Variants in MAPK4 observed in about 807,000 individuals in gnomAD.
MAPK4 encodes Erk3-related.
A neutral mutation model predicts 47.7 loss-of-function variants in MAPK4; 22 were observed. The observed-to-expected ratio is 0.46, with a 90% CI of 0.33 to 0.66. The LOEUF (loss-of-function observed/expected upper bound fraction) is 0.66, where lower values mean the gene tolerates loss of function less well. Among genes scored for constraint, MAPK4 ranks in the 30% least tolerant of loss-of-function variants. MAPK4 has a pLI of 0.02. For missense variants in MAPK4, 736 were observed against 831.7 expected, an observed-to-expected ratio of 0.88 and a Z score of 1.42; for synonymous variants, 390 against 365.7, an observed-to-expected ratio of 1.07 and a Z score of -0.76.
intron 4 of MAPK4, among the ~76,000 whole-genome samples, chr18:50,725,647 A>C (rs1197666640): frequency 6.6e-6 from 1 of 152,070 alleles, no homozygotes; most frequent in Non-Finnish European, 1.5e-5. Context: ...GGGATCCCCC[A>C]CCACATAAAC....
At chr18:50,686,323 C>G (rs1367021957) in intron 2 of MAPK4, among the ~76,000 whole-genome samples, 1 of 152,190 alleles carries the variant, frequency 6.6e-6, no homozygotes, top group African/African-American at 2.4e-5. Context: ...GCTATGTACC[C>G]AGGCAGGAGA....
At chr18:50,583,049 G>T (rs1211137981) in intron 1 of MAPK4, among the ~76,000 whole-genome samples, 6 of 152,212 alleles carry the variant, frequency 3.9e-5, no homozygotes, top group Admixed American at 3.9e-4. Flanking sequence ...TGAGTTCTGG[G>T]TTCATGTCCT....
Position 50,640,614 on chromosome 18 carries a change from C to A in MAPK4, c.-870-22475C>A, listed in dbSNP as rs556306242. 1.1e-4 allele frequency among the ~76,000 whole-genome samples: 17 copies of A among 152,146 alleles called. No individual in the cohort carries two copies. In the South Asian group the frequency reaches 3.3e-3, roughly 30 times the overall value. ...CCAAGTAGCTGGGATTACAGGTGTG[C>A]GCCACCACGTCTGGCTAATTTTTGT... On this transcript the variant is annotated intron_variant, in intron 1 of 5. Coordinates refer to ENST00000400384, the MANE Select transcript of MAPK4 (RefSeq NM_002747.4).
intron 1 of MAPK4, among the ~76,000 whole-genome samples, chr18:50,647,436 A>G (rs1244429598): frequency 1.3e-5 from 2 of 152,180 alleles, no homozygotes; most frequent in Admixed American, 1.3e-4. Context: ...TGTCAGTGCG[A>G]TGATCTGAAA....
intron 1 of MAPK4, among the ~76,000 whole-genome samples, chr18:50,584,143 A>G (rs1252408171): frequency 1.3e-5 from 2 of 152,180 alleles, no homozygotes; most frequent in African/African-American, 2.4e-5. Context: ...ATAAAAACCA[A>G]TGTGTTTATC....
At chr18:50,625,882 G>GCACACACA (rs58870306) in intron 1 of MAPK4, among the ~76,000 whole-genome samples, 5 of 145,448 alleles carry the variant, frequency 3.4e-5, no homozygotes, top group East Asian at 4.2e-4. Flanking sequence ...GTGTGTGTAT[G>GCACACACA]CACACACACA....
intron 2 of MAPK4, among the ~76,000 whole-genome samples, chr18:50,671,467 C>T (rs995418673): frequency 3.3e-5 from 5 of 152,134 alleles, no homozygotes; most frequent in Admixed American, 6.5e-5. Flanking sequence ...CAGCAAATTA[C>T]TGCAGTTTGT....
intron 1 of MAPK4, among the ~76,000 whole-genome samples, chr18:50,594,381 C>T (rs2042464459): frequency 6.6e-6 from 1 of 151,804 alleles, no homozygotes; most frequent in South Asian, 2.1e-4. Flanking sequence ...ATCACAGCTG[C>T]AGTAATAAAG....
chr18:50,573,465 T>C (rs564825735), intron 1 of MAPK4, among the ~76,000 whole-genome samples: 2 of 152,296 alleles, frequency 1.3e-5, no homozygotes, highest in East Asian at 3.9e-4. Context: ...ACAAACCCTA[T>C]TGTGAACTGC....
chr18:50,618,378 A>T (rs1211298365), intron 1 of MAPK4, among the ~76,000 whole-genome samples: 1 of 152,224 alleles, frequency 6.6e-6, no homozygotes, highest in African/African-American at 2.4e-5. Context: ...GCTCTACTTG[A>T]TACCCCCAAA....
chr18:50,599,521 C>T (rs2149371372), intron 1 of MAPK4, among the ~76,000 whole-genome samples: 1 of 152,216 alleles, frequency 6.6e-6, no homozygotes, highest in Admixed American at 6.5e-5. Flanking sequence ...TGGGTTCAAG[C>T]AATTCTCGTG....
chr18:50,678,038 G>C lies in MAPK4; in HGVS notation c.546+13534G>C, dbSNP rs552887841. On this transcript the variant is annotated intron_variant, in intron 2 of 5. Coordinates refer to ENST00000400384, the MANE Select transcript of MAPK4 (RefSeq NM_002747.4). The surrounding 1 kb of genome is among the most constrained non-coding windows in gnomAD (Gnocchi z 4.2). The stretch of plus-strand genomic sequence containing the variant: ...ACTAGTGCCATGTGAGCCTAAGCAA[G>C]TTACTTAACCTCCCTCAGGCTGGCT... Among the ~76,000 whole-genome samples, 1 of 152,306 alleles carries C rather than the reference G, an allele frequency of 6.6e-6. No individual in the cohort carries two copies. The highest frequency in any genetic ancestry group is 1.5e-5 in the Non-Finnish European group (1 of 68,030).
At chr18:50,569,288 C>A (rs1050779743) in intron 1 of MAPK4, among the ~76,000 whole-genome samples, 1 of 151,980 alleles carries the variant, frequency 6.6e-6, no homozygotes, top group African/African-American at 2.4e-5. Context: ...AGCATTTTTT[C>A]TTTTTCACTG....
At chr18:50,711,997 C>A (rs1397603763) in intron 2 of MAPK4, among the ~76,000 whole-genome samples, 1 of 152,114 alleles carries the variant, frequency 6.6e-6, no homozygotes, top group African/African-American at 2.4e-5. Context: ...ACTGTGTCTG[C>A]CCCCAGACCT....
intron 1 of MAPK4, among the ~76,000 whole-genome samples, chr18:50,620,923 A>G (rs771836423): frequency 1.4e-4 from 22 of 152,152 alleles, no homozygotes; most frequent in Non-Finnish European, 2.9e-4. Context: ...TAATTATTTT[A>G]TCTTATTTTT....
At position 50,715,170 on chromosome 18, in the gene MAPK4, G is replaced by A; in HGVS notation, c.638G>A (p.Trp213Ter). The change falls in exon 3 of 6, where the codon TGG becomes TAG. Residue 213 changes from tryptophan to a stop codon, truncating the protein, a stop_gained. Transcript: ENST00000400384. LOFTEE classifies it high-confidence loss of function. ...PNNYTKAIDM[W>*]AAGCILAEML... ...AACTACACCAAAGCCATCGACATGT[G>A]GGCCGCCGGCTGCATCCTGGCTGAG... is the stretch of plus-strand genomic sequence containing the variant. 6.2e-7 allele frequency: 1 copy of A among 1,614,160 alleles called. No homozygotes were observed. Among genetic ancestry groups the A allele is most frequent in the Non-Finnish European group, 8.5e-7 (1 of 1,180,028 alleles).
chr18:50,689,327 G>T (rs1268780074), intron 2 of MAPK4, among the ~76,000 whole-genome samples: 1 of 151,464 alleles, frequency 6.6e-6, no homozygotes, highest in Non-Finnish European at 1.5e-5. Context: ...GAACCCAGGA[G>T]GAGGTGGAGA....
chr18:50,637,967 T>A (rs1361985098), intron 1 of MAPK4, among the ~76,000 whole-genome samples: 1 of 152,164 alleles, frequency 6.6e-6, no homozygotes, highest in Non-Finnish European at 1.5e-5. Context: ...TTACTAGGGG[T>A]TAGGGCTTCA....
chr18:50,630,131 G>A (rs1214764452), intron 1 of MAPK4, among the ~76,000 whole-genome samples: 1 of 152,172 alleles, frequency 6.6e-6, no homozygotes, highest in Non-Finnish European at 1.5e-5. Context: ...GATGCTGGCC[G>A]AGTTCCCTTT....
Sources: gnomAD v4.1 joint callset for allele counts (sites outside exome capture counted in the v4.1 genomes callset) on GRCh38, gnomAD v4.1.1 for gene constraint, Gnocchi (gnomAD v3.1) non-coding constraint, MANE v1.5 for transcripts, NCBI Gene and HGNC (gene_info 2026-07-23, HGNC 2026-07-21) for gene names.